TTBK2: variants seen among roughly 807,000 people sequenced by gnomAD.
TTBK2 encodes the protein tau tubulin kinase 2, also known as tau-tubulin kinase 2.
In TTBK2, 28 loss-of-function variants were observed where a neutral mutation model predicts 110.8. The observed-to-expected ratio is 0.25, with a 90% CI of 0.19 to 0.35. The LOEUF is 0.35. TTBK2 is among the 10% of genes least tolerant of loss of function. TTBK2 has a pLI of 1.00. For synonymous variants in TTBK2, 532 were observed against 527.3 expected (o/e 1.01, Z -0.12); for missense variants, 1,369 against 1,500.3 (o/e 0.91, Z 1.45).
chr15:42,783,526 A>T lies in TTBK2; in HGVS notation c.1090T>A (p.Ser364Thr). The T allele has an allele frequency of 6.2e-7, 1 of 1,614,140 alleles. No homozygotes were observed. Among genetic ancestry groups the T allele is most frequent in the Non-Finnish European group, 8.5e-7 (1 of 1,180,024 alleles). ...AGAGATCCAGGCAATTTATCTGGTGACACACCAACAGGGATGCCATTTTCT... is the reference window on the plus strand; with the variant it reads ...AGAGATCCAGGCAATTTATCTGGTGTCACACCAACAGGGATGCCATTTTCT... ...DGENGIPVGV[S>T]PDKLPGSLGH... is the part of the protein sequence containing the mutation. Residue 364 changes from serine (S) to threonine (T), a missense_variant, in exon 11 of 15, where the codon TCA becomes ACA. By Grantham distance (58) the Ser-to-Thr change is moderately conservative. Transcript: ENST00000267890.
intron 1 of TTBK2, among the ~76,000 whole-genome samples, chr15:42,895,814 G>A (rs1895646144): frequency 6.6e-6 from 1 of 151,998 alleles, no homozygotes; most frequent in Non-Finnish European, 1.5e-5. Flanking sequence ...TGGGATTACA[G>A]GTGTGAGCCA....
At position 42,783,487 on chromosome 15, in the gene TTBK2, G is replaced by A. The variant is rs1890263950; in HGVS notation, c.1129C>T (p.Pro377Ser). Reference sequence around the variant, plus strand: ...TCTTCCCAAACATCCTTCTCCTGGGGACGGGGGTGTCCCAGAGATCCAGGC... The same window carrying A: ...TCTTCCCAAACATCCTTCTCCTGGGAACGGGGGTGTCCCAGAGATCCAGGC... ...KLPGSLGHPR[P>S]QEKDVWEEMD... Residue 377 changes from proline to serine, a missense_variant, in exon 11 of 15, where the codon CCC (proline) becomes TCC (serine). Around this residue, in one of 4 missense-constraint regions of TTBK2, gnomAD observed 1,097 missense variants for 1,114.7 expected, o/e 0.98. Coordinates refer to ENST00000267890, the MANE Select transcript of TTBK2 (RefSeq NM_173500.4). 6.2e-7 allele frequency: 1 copy of A among 1,614,102 alleles called. No homozygotes were observed. The highest frequency in any genetic ancestry group is 2.2e-5 in the East Asian group (1 of 44,884).
chr15:42,853,612 C>T (rs942132940), intron 3 of TTBK2, among the ~76,000 whole-genome samples: 16 of 152,148 alleles, frequency 1.1e-4, no homozygotes, highest in African/African-American at 3.6e-4. Flanking sequence ...GCTGATCACT[C>T]GCAGCATAAA....
At chr15:42,902,860 A>G (rs1016074886) in intron 1 of TTBK2, among the ~76,000 whole-genome samples, 1 of 152,048 alleles carries the variant, frequency 6.6e-6, no homozygotes, top group Non-Finnish European at 1.5e-5. Flanking sequence ...GCATGGTGCC[A>G]TGCACCTGTA....
In TTBK2 at chr15:42,743,623, T is replaced by A. The variant is rs2061762618; in HGVS notation, c.*2172A>T. On this transcript the variant is annotated 3_prime_UTR_variant, in exon 15 of 15. Transcript: ENST00000267890. ...TTTTAAAAATCTGTCAGACTCATCA[T>A]CATCCCAGTTTATCCACTCTAACTA... 6.6e-6 allele frequency: 1 copy of A among 152,246 alleles called. No individual in the cohort carries two copies. Among genetic ancestry groups the A allele is most frequent in the Non-Finnish European group, 1.5e-5 (1 of 68,046 alleles). 9.4% of individuals were successfully genotyped at this position (152,246 alleles called of 1,614,324 possible).
At position 42,743,342 on chromosome 15, in the gene TTBK2, A is replaced by G. The variant is rs550223310; in HGVS notation, c.*2453T>C. 3.3e-5 allele frequency: 5 copies of G among 152,356 alleles called. No individual in the cohort carries two copies. The highest frequency in any genetic ancestry group is 1.2e-4 in the African/African-American group (5 of 41,590). The allele number at this position is 152,356 out of a possible 1,614,324, so 9.4% of individuals were successfully genotyped here. On this transcript the variant is annotated 3_prime_UTR_variant, in exon 15 of 15. Transcript: ENST00000267890. Reference sequence around the variant, plus strand: ...CAGTTGCCACATTCCCATCACTGTCAGTTCCAACTGCCAGCAGAGAAATGC... The same window carrying G: ...CAGTTGCCACATTCCCATCACTGTCGGTTCCAACTGCCAGCAGAGAAATGC...
At chr15:42,790,417 T>C (rs116786172) in intron 10 of TTBK2, among the ~76,000 whole-genome samples, 86 of 151,696 alleles carry the variant, frequency 5.7e-4, no homozygotes, top group African/African-American at 2.0e-3. Flanking sequence ...TCGGAGTAGC[T>C]GGGACTATAG....
intron 14 of TTBK2, among the ~76,000 whole-genome samples, chr15:42,749,106 GCAATGTAC>G (rs1444238114): frequency 6.6e-6 from 1 of 152,150 alleles, no homozygotes; most frequent in East Asian, 1.9e-4. Context: ...TACATGCTAA[GCAATGTAC>G]CAACTCCTAG....
At chr15:42,748,306 A>C (rs1245276814) in intron 14 of TTBK2, among the ~76,000 whole-genome samples, 1 of 152,036 alleles carries the variant, frequency 6.6e-6, no homozygotes, top group Non-Finnish European at 1.5e-5. Flanking sequence ...AAATACAAAA[A>C]ATTAGCTGGG....
At chr15:42,806,694 C>A (rs1360069684) in intron 9 of TTBK2, among the ~76,000 whole-genome samples, 2 of 152,190 alleles carry the variant, frequency 1.3e-5, no homozygotes, top group Middle Eastern at 3.2e-3. Context: ...ATGGCCAACA[C>A]AATCCCATCT....
chr15:42,821,538 C>T (rs1346119662), intron 6 of TTBK2, among the ~76,000 whole-genome samples: 6 of 152,138 alleles, frequency 3.9e-5, no homozygotes, highest in African/African-American at 1.4e-4. Context: ...AGTAAGTTTC[C>T]TTAATGCCCC....
intron 10 of TTBK2, among the ~76,000 whole-genome samples, chr15:42,790,097 G>A (rs1027187738): frequency 1.3e-5 from 2 of 151,878 alleles, no homozygotes; most frequent in Non-Finnish European, 2.9e-5. Flanking sequence ...AAAGGAATTG[G>A]ACCCCTATTT....
Position 42,741,703 on chromosome 15 carries a change from T to C in TTBK2, c.*4092A>G, listed in dbSNP as rs1013451131. 6.6e-6 allele frequency: 1 copy of C among 152,198 alleles called. No individual in the cohort carries two copies. The highest frequency in any genetic ancestry group is 1.5e-5 in the Non-Finnish European group (1 of 68,018). 9.4% of individuals were successfully genotyped at this position (152,198 alleles called of 1,614,324 possible). ...CAATATAAAGAATAAGTTTTTAAAA[T>C]ATAAAAGACTTTGATCTCCAAGACT... On this transcript the variant is annotated 3_prime_UTR_variant, in exon 15 of 15. Transcript: ENST00000267890.
intron 1 of TTBK2, among the ~76,000 whole-genome samples, chr15:42,913,082 G>A (rs544427892): frequency 1.1e-3 from 152 of 135,778 alleles, no homozygotes; most frequent in African/African-American, 4.1e-3. Flanking sequence ...CCGAGATTGC[G>A]CCACTGCAGT....
At chr15:42,840,949 C>A (rs1389482084) in intron 3 of TTBK2, among the ~76,000 whole-genome samples, 2 of 152,064 alleles carry the variant, frequency 1.3e-5, no homozygotes, top group African/African-American at 4.8e-5. Flanking sequence ...CTGGCTGGGG[C>A]ATAGAGGGGA....
intron 3 of TTBK2, among the ~76,000 whole-genome samples, chr15:42,863,990 C>A (rs1414104253): frequency 6.6e-6 from 1 of 152,068 alleles, no homozygotes; most frequent in Non-Finnish European, 1.5e-5. Context: ...AAAAGAAAAC[C>A]TAGGAAATAC....
At chr15:42,802,144 T>G (rs370907544) in intron 9 of TTBK2, 1 of 1,416,842 alleles carries the variant, frequency 7.1e-7, no homozygotes, top group Non-Finnish European at 9.9e-7. Flanking sequence ...CTTCTCCTCC[T>G]GGGTGCGCAC....
intron 13 of TTBK2, among the ~76,000 whole-genome samples, chr15:42,766,068 T>C (rs1298393868): frequency 6.6e-6 from 1 of 151,972 alleles, no homozygotes; most frequent in Non-Finnish European, 1.5e-5. Flanking sequence ...CAAGCAAATG[T>C]TGAGAGATTT....
At chr15:42,820,744 T>C (rs1459219005) in intron 6 of TTBK2, among the ~76,000 whole-genome samples, 2 of 152,024 alleles carry the variant, frequency 1.3e-5, no homozygotes, top group Admixed American at 1.3e-4. Context: ...TTCATGGCTA[T>C]AATTCCAGAA....
Sources: gnomAD v4.1 joint callset for allele counts (sites outside exome capture counted in the v4.1 genomes callset) on GRCh38, gnomAD v4.1.1 for gene constraint, gnomAD v4.1.1 regional missense constraint, MANE v1.5 for transcripts, NCBI Gene and HGNC (gene_info 2026-07-23, HGNC 2026-07-21) for gene names.